TOX2: variants seen among roughly 807,000 people sequenced by gnomAD.
TOX2 encodes TOX high mobility group box family member 2.
A neutral mutation model predicts 47.4 loss-of-function variants in TOX2; 15 were observed. The ratio of observed to expected loss-of-function variants is 0.32; its 90% CI spans 0.21 to 0.49. The LOEUF is 0.49. Ranked by LOEUF, TOX2 falls within the 20% of genes least tolerant of loss-of-function variation. The pLI is 0.99. For missense variants in TOX2, 622 were observed against 673.1 expected, an observed-to-expected ratio of 0.92 and a Z score of 0.84; for synonymous variants, 290 against 296.6, an observed-to-expected ratio of 0.98 and a Z score of 0.23.
At chr20:44,051,808 CA>C (rs780478082) in intron 4 of TOX2, among the ~76,000 whole-genome samples, 8 of 152,212 alleles carry the variant, frequency 5.3e-5, no homozygotes, top group Admixed American at 3.3e-4. Flanking sequence ...AGCACCTGGT[CA>C]GGGGGGATGG....
At chr20:43,959,712 G>A (rs1488323909) in intron 1 of TOX2, among the ~76,000 whole-genome samples, 2 of 152,206 alleles carry the variant, frequency 1.3e-5, no homozygotes, top group Admixed American at 1.3e-4. Flanking sequence ...AGTGCAACCC[G>A]ACGTACGCTC....
chr20:44,025,020 G>C (rs1261123247), intron 3 of TOX2, among the ~76,000 whole-genome samples: 9 of 152,118 alleles, frequency 5.9e-5, no homozygotes. Flanking sequence ...TTAGTGGCTA[G>C]ATAACATTCC....
chr20:44,013,282 C>G (rs2070811804), intron 3 of TOX2, among the ~76,000 whole-genome samples: 1 of 152,124 alleles, frequency 6.6e-6, no homozygotes, highest in Admixed American at 6.5e-5. Context: ...AACACCTCCC[C>G]CATTTTCTTC....
At chr20:43,945,226 C>G (rs566885668) in intron 1 of TOX2, among the ~76,000 whole-genome samples, 43 of 152,278 alleles carry the variant, frequency 2.8e-4, no homozygotes, top group Non-Finnish European at 5.7e-4. Flanking sequence ...CTATTAACAG[C>G]CTGGTATCTT....
intron 1 of TOX2, among the ~76,000 whole-genome samples, chr20:43,952,021 C>T (rs1261768329): frequency 2.6e-5 from 4 of 151,774 alleles, no homozygotes; most frequent in East Asian, 3.9e-4. Context: ...CTCGCCCTCC[C>T]GAGTAGCTGG....
intron 3 of TOX2, among the ~76,000 whole-genome samples, chr20:44,033,892 A>T (rs1185138152): frequency 6.6e-6 from 1 of 152,104 alleles, no homozygotes; most frequent in African/African-American, 2.4e-5. Flanking sequence ...TAATACACAG[A>T]GTCTCTGCTG....
chr20:43,920,361 C>T (rs1375018521), intron 1 of TOX2, among the ~76,000 whole-genome samples: 1 of 152,192 alleles, frequency 6.6e-6, no homozygotes, highest in Admixed American at 6.5e-5. Context: ...TTGATCTGGA[C>T]TTGACCTATG....
intron 3 of TOX2, among the ~76,000 whole-genome samples, chr20:44,042,749 C>T (rs572596607): frequency 7.2e-5 from 11 of 152,170 alleles, no homozygotes; most frequent in East Asian, 5.8e-4. Flanking sequence ...TTTGGGGGAT[C>T]GGATTTTATT....
intron 1 of TOX2, among the ~76,000 whole-genome samples, chr20:43,969,800 G>A (rs2069931009): frequency 6.6e-6 from 1 of 152,228 alleles, no homozygotes; most frequent in Non-Finnish European, 1.5e-5. Flanking sequence ...CTTCTCAAGT[G>A]CCCCTTGAAA....
At chr20:43,955,702 G>T (rs1569031892) in intron 1 of TOX2, among the ~76,000 whole-genome samples, 1 of 152,166 alleles carries the variant, frequency 6.6e-6, no homozygotes, top group African/African-American at 2.4e-5. Flanking sequence ...GGGCTGTCAT[G>T]GTTTTATTCT....
intron 3 of TOX2, among the ~76,000 whole-genome samples, chr20:44,040,697 CTT>C (rs907084899): frequency 6.6e-6 from 1 of 152,192 alleles, no homozygotes; most frequent in African/African-American, 2.4e-5. Context: ...TCCTCTTCCT[CTT>C]TCTCTTCCTC....
At chr20:43,956,638 T>C (rs148063455) in intron 1 of TOX2, among the ~76,000 whole-genome samples, 1 of 152,180 alleles carries the variant, frequency 6.6e-6, no homozygotes, top group East Asian at 1.9e-4. Flanking sequence ...AAGGCTGTTT[T>C]AAGCAAGACT....
chr20:43,927,772 C>T (rs1224345235), intron 1 of TOX2, among the ~76,000 whole-genome samples: 3 of 146,256 alleles, frequency 2.1e-5, no homozygotes, highest in Admixed American at 6.8e-5. Flanking sequence ...TCCCTCCCTC[C>T]CTCTTTCCCT....
intron 7 of TOX2, 139 bp downstream of exon 7, chr20:44,066,246 C>G: frequency 1.1e-6 from 1 of 945,418 alleles, no homozygotes; most frequent in Non-Finnish European, 1.5e-6. Context: ...GCCTCAGTTA[C>G]CACATCTAGG....
intron 1 of TOX2, chr20:43,945,973 G>A (rs778132858): frequency 6.2e-7 from 1 of 1,614,090 alleles, no homozygotes; most frequent in South Asian, 1.1e-5. Flanking sequence ...GGGCTTCTGT[G>A]GAATGAGACT....
intron 3 of TOX2, among the ~76,000 whole-genome samples, chr20:44,014,044 C>T (rs927581165): frequency 2.1e-5 from 3 of 142,670 alleles, no homozygotes; most frequent in African/African-American, 7.8e-5. Flanking sequence ...GCAAGAGAAT[C>T]ACTTGGACCC....
chr20:44,051,505 C>T lies in TOX2; in HGVS notation c.611C>T (p.Ser204Phe). ...PGSKSATPSP[S>F]SSTQEEESEV... ...AGCAAGTCAGCGACCCCCTCTCCCT[C>T]CAGCTCCACTCAGGAAGAGGAGTCG... The change falls in exon 4 of 9, where the codon TCC becomes TTC. Residue 204 changes from serine (S) to phenylalanine (F), a missense_variant. Around this residue, in one of 3 missense-constraint regions of TOX2, gnomAD observed 307 missense variants for 327.3 expected, o/e 0.94. Coordinates refer to ENST00000341197, the MANE Select transcript of TOX2 (RefSeq NM_001098797.2). 1.2e-6 allele frequency: 2 copies of T among 1,609,638 alleles called. No homozygotes were observed. The highest frequency in any genetic ancestry group is 1.7e-6 in the Non-Finnish European group (2 of 1,176,950).
At chr20:44,046,472 G>A (rs139860812) in intron 3 of TOX2, among the ~76,000 whole-genome samples, 2 of 152,274 alleles carry the variant, frequency 1.3e-5, no homozygotes, top group Admixed American at 6.5e-5. Flanking sequence ...CTACTCAAGA[G>A]AATTGAAAGC....
At chr20:44,054,610 G>A in intron 5 of TOX2, 84 bp downstream of exon 5, 1 of 1,411,558 alleles carries the variant, frequency 7.1e-7, no homozygotes, top group Non-Finnish European at 9.8e-7. Flanking sequence ...CTGAAACCAG[G>A]CCCAGCTCTG....
Sources: gnomAD v4.1 joint callset for allele counts (sites outside exome capture counted in the v4.1 genomes callset) on GRCh38, gnomAD v4.1.1 for gene constraint, gnomAD v4.1.1 regional missense constraint, MANE v1.5 for transcripts, NCBI Gene and HGNC (gene_info 2026-07-23, HGNC 2026-07-21) for gene names.